PRKAA1: variants seen among roughly 807,000 people sequenced by gnomAD.
The protein encoded by PRKAA1 is 5'-AMP-activated protein kinase catalytic subunit alpha-1.
Under a neutral mutation model 56.9 loss-of-function variants are expected in PRKAA1, and 23 were observed. The observed-to-expected ratio is 0.40, with a 90% CI of 0.29 to 0.57. The LOEUF (loss-of-function observed/expected upper bound fraction) is 0.57, where lower values mean the gene tolerates loss of function less well. PRKAA1 is among the 20% of genes least tolerant of loss of function. The pLI is 0.39. For missense variants in PRKAA1, 413 were observed against 679.7 expected (o/e 0.61, Z 4.36); for synonymous variants, 226 against 227.0 (o/e 1.00, Z 0.04).
chr5:40,785,837 CACAGAGAGAGAG>C (rs1175733972), intron 1 of PRKAA1, among the ~76,000 whole-genome samples: 194 of 52,450 alleles, frequency 3.7e-3, no homozygotes, highest in African/African-American at 9.2e-3. Context: ...CACACACACA[CACAGAGAGAGAG>C]AGAGAGAGAG....
intron 4 of PRKAA1, among the ~76,000 whole-genome samples, chr5:40,770,595 CT>C (rs750590564): frequency 0.18 from 20,572 of 111,422 alleles, 642 homozygotes; most frequent in Admixed American, 0.28. Context: ...AAAATAAATT[CT>C]TTTTTTTTTT....
chr5:40,793,067 CAAAAAAAAAAAAAGA>C (rs963812929), intron 1 of PRKAA1, among the ~76,000 whole-genome samples: 1 of 109,200 alleles, frequency 9.2e-6, no homozygotes, highest in African/African-American at 3.5e-5. Context: ...AACTCCATCT[CAAAAAAAAAAAAAGA>C]AAAAGAAAAA....
In PRKAA1 at chr5:40,760,064, T is replaced by TA. The variant is rs1020492918; in HGVS notation, c.*2713dup. ...AAGACAAAGTAAAAATATGGTTGCA[T>TA]AAAGTCACAAAAAATATAAACTGCT... On this transcript the variant is annotated 3_prime_UTR_variant, in exon 9 of 9. Transcript: ENST00000397128. 6.5e-6 allele frequency: 1 copy of TA among 152,694 alleles called. No homozygotes were observed. The highest frequency in any genetic ancestry group is 2.4e-5 in the African/African-American group (1 of 41,440). 9.5% of individuals were successfully genotyped at this position (152,694 alleles called of 1,614,324 possible).
At chr5:40,789,794 A>G (rs761245869) in intron 1 of PRKAA1, among the ~76,000 whole-genome samples, 2 of 152,246 alleles carry the variant, frequency 1.3e-5, no homozygotes, top group Non-Finnish European at 2.9e-5. Context: ...TTCTCACCAC[A>G]AAGAAATGAT....
chr5:40,793,255 G>C (rs553272661), intron 1 of PRKAA1, among the ~76,000 whole-genome samples: 1 of 151,716 alleles, frequency 6.6e-6, no homozygotes, highest in African/African-American at 2.4e-5. Flanking sequence ...GCAGAGGGAA[G>C]GCCCACAAGG....
intron 6 of PRKAA1, among the ~76,000 whole-genome samples, chr5:40,766,291 C>T (rs1447815557): frequency 6.6e-6 from 1 of 152,104 alleles, no homozygotes; most frequent in Non-Finnish European, 1.5e-5. Context: ...TATACTAATG[C>T]TTTCATATTT....
chr5:40,766,615 C>T (rs1743446693), intron 6 of PRKAA1, among the ~76,000 whole-genome samples: 1 of 151,980 alleles, frequency 6.6e-6, no homozygotes, highest in Non-Finnish European at 1.5e-5. Context: ...TCAATTAAAT[C>T]TCATTCCTTG....
intron 1 of PRKAA1, 117 bp downstream of exon 1, chr5:40,797,946 G>T (rs913405333): frequency 1.1e-5 from 16 of 1,491,810 alleles, no homozygotes; most frequent in Non-Finnish European, 1.8e-6. Context: ...CCGGGACAGG[G>T]GCTGCCCAGC....
chr5:40,798,354 G>A lies in PRKAA1; in HGVS notation c.-165C>T. 1 of 337,492 alleles carries A rather than the reference G, an allele frequency of 3.0e-6. No homozygotes were observed. The highest frequency in any genetic ancestry group is 1.1e-4 in the South Asian group (1 of 8,788). The allele number at this position is 337,492 out of a possible 1,614,324, so 20.9% of individuals were successfully genotyped here. A position where few individuals can be genotyped will look rare whatever the true frequency, so the allele number is the denominator to read the frequency against. On this transcript the variant is annotated 5_prime_UTR_variant, in exon 1 of 9. Transcript: ENST00000397128. ...CGCAGACGCTCCCCCTGGCGGGGCG[G>A]GCGGGGGCTGCCAGGAGAATCACCA...
At chr5:40,781,241 A>G (rs1415526023) in intron 1 of PRKAA1, among the ~76,000 whole-genome samples, 1 of 152,154 alleles carries the variant, frequency 6.6e-6, no homozygotes, top group Non-Finnish European at 1.5e-5. Context: ...GTATTTCAAC[A>G]TTTGGGATTA....
chr5:40,774,959 G>A (rs1326849570), intron 3 of PRKAA1: 3 of 1,604,720 alleles, frequency 1.9e-6, no homozygotes, highest in Non-Finnish European at 2.6e-6. Context: ...TACTACTCCA[G>A]GTACATCAGA....
chr5:40,777,310 G>T, intron 2 of PRKAA1, 135 bp downstream of exon 2: 3 of 1,002,270 alleles, frequency 3.0e-6, no homozygotes, highest in Non-Finnish European at 4.4e-6. Context: ...ACCGCACACA[G>T]CCTAGGAAGA....
At chr5:40,769,619 C>T (rs1743626278) in intron 4 of PRKAA1, 116 bp from the exon 5 acceptor site, 13 of 854,502 alleles carry the variant, frequency 1.5e-5, no homozygotes. Context: ...TTGTTATTTG[C>T]TTCAACAAAA....
At chr5:40,769,552 A>G (rs942383481) in intron 4 of PRKAA1, 49 bp from the exon 5 acceptor site, 1 of 1,376,216 alleles carries the variant, frequency 7.3e-7, no homozygotes, top group Non-Finnish European at 1.0e-6. Context: ...AAAGACAAAA[A>G]TTAAAATCCC....
chr5:40,782,226 T>G (rs1330590862), intron 1 of PRKAA1, among the ~76,000 whole-genome samples: 1 of 152,200 alleles, frequency 6.6e-6, no homozygotes, highest in East Asian at 1.9e-4. Flanking sequence ...CCTGCTCAAC[T>G]GAACTTCAAC....
At chr5:40,768,519 A>G in intron 5 of PRKAA1, 1 of 955,500 alleles carries the variant, frequency 1.0e-6, no homozygotes, top group East Asian at 1.1e-4. Flanking sequence ...AATTTTTGAC[A>G]TTAAGTTAAT....
intron 1 of PRKAA1, among the ~76,000 whole-genome samples, chr5:40,785,600 G>T (rs1320115744): frequency 1.3e-5 from 2 of 151,972 alleles, no homozygotes; most frequent in Non-Finnish European, 2.9e-5. Flanking sequence ...CAAAAACTAA[G>T]AAAGAAAGCA....
intron 2 of PRKAA1, chr5:40,777,213 A>G (rs2112039840): frequency 6.4e-6 from 2 of 312,886 alleles, no homozygotes; most frequent in Non-Finnish European, 1.2e-5. Context: ...GGGTTTCACC[A>G]TGTTGGCCAG....
intron 1 of PRKAA1, among the ~76,000 whole-genome samples, chr5:40,793,735 T>C (rs1448691288): frequency 6.6e-6 from 1 of 152,170 alleles, no homozygotes; most frequent in East Asian, 1.9e-4. Context: ...CATGTCCCCC[T>C]TTCTCTCTCC....
Sources: gnomAD v4.1 joint callset for allele counts (sites outside exome capture counted in the v4.1 genomes callset) on GRCh38, gnomAD v4.1.1 for gene constraint, MANE v1.5 for transcripts, NCBI Gene and HGNC (gene_info 2026-07-23, HGNC 2026-07-21) for gene names.